GPLD1: variants seen among roughly 807,000 people sequenced by gnomAD.
GPLD1 encodes the protein glycosylphosphatidylinositol specific phospholipase D1.
A neutral mutation model predicts 112.6 loss-of-function variants in GPLD1; 84 were observed. The ratio of observed to expected loss-of-function variants is 0.75; its 90% CI spans 0.63 to 0.89. The LOEUF is 0.89. Among genes scored for constraint, GPLD1 ranks in the 40% least tolerant of loss-of-function variants. The pLI is 0.00. For synonymous variants in GPLD1, 386 were observed against 403.8 expected (o/e 0.96, Z 0.53); for missense variants, 1,044 against 1,051.5 (o/e 0.99, Z 0.10).
chr6:24,481,514 T>C (rs1197437671), intron 2 of GPLD1, among the ~76,000 whole-genome samples: 5 of 151,928 alleles, frequency 3.3e-5, no homozygotes, highest in African/African-American at 1.2e-4. Flanking sequence ...AGAATCACCC[T>C]CTCCCGAGGA....
chr6:24,464,365 C>A (rs1412890597), intron 10 of GPLD1, among the ~76,000 whole-genome samples: 1 of 152,040 alleles, frequency 6.6e-6, no homozygotes, highest in Non-Finnish European at 1.5e-5. Flanking sequence ...TGTACAACCA[C>A]GGCAGTATGC....
chr6:24,440,791 ATAGG>A (rs201680718), intron 20 of GPLD1, among the ~76,000 whole-genome samples: 1,695 of 151,916 alleles, frequency 0.011, 16 homozygotes, highest in South Asian at 0.047. Flanking sequence ...GGAAAGTGAG[ATAGG>A]TAGGTAGGTA....
chr6:24,460,538 C>T, intron 11 of GPLD1, 139 bp from the exon 12 acceptor site: 1 of 834,358 alleles, frequency 1.2e-6, no homozygotes, highest in Non-Finnish European at 1.9e-6. Context: ...AGGAGCAACA[C>T]AGAAAGTTTT....
In GPLD1 at chr6:24,431,723, C is replaced by T. The variant is rs559172556; in HGVS notation, c.2436+1464G>A. 6.6e-5 allele frequency among the ~76,000 whole-genome samples: 10 copies of T among 151,840 alleles called. No homozygotes were observed. The South Asian group carries it at 8.3e-4, about 13-fold the overall frequency. ...CTATTTTTTGTATTTTTAGTAGAGC[C>T]GGGGTTTCACCATGTTGACCAGGCT... On this transcript the variant is annotated intron_variant, in intron 24 of 24. Transcript: ENST00000230036.
chr6:24,449,704 AG>A, intron 15 of GPLD1, 84 bp downstream of exon 15: 1 of 850,106 alleles, frequency 1.2e-6, no homozygotes. Flanking sequence ...GCTTTGCTCC[AG>A]GGGCTCATCC....
At chr6:24,452,323 A>T (rs903608414) in intron 14 of GPLD1, among the ~76,000 whole-genome samples, 1 of 152,180 alleles carries the variant, frequency 6.6e-6, no homozygotes, top group African/African-American at 2.4e-5. Flanking sequence ...TTTATTTTGG[A>T]AATTTTTCAT....
At chr6:24,466,635 A>G (rs1209970737) in intron 10 of GPLD1, 45 bp downstream of exon 10, 1 of 1,540,534 alleles carries the variant, frequency 6.5e-7, no homozygotes, top group East Asian at 2.3e-5. Context: ...GGATGGGGTA[A>G]AAAGGCAGAG....
intron 10 of GPLD1, among the ~76,000 whole-genome samples, chr6:24,466,433 T>C (rs1263903026): frequency 1.3e-5 from 2 of 152,170 alleles, no homozygotes; most frequent in Non-Finnish European, 2.9e-5. Flanking sequence ...ACCCCAAATA[T>C]TGCAATAACT....
At chr6:24,432,372 C>T (rs1052051469) in intron 24 of GPLD1, among the ~76,000 whole-genome samples, 1 of 151,674 alleles carries the variant, frequency 6.6e-6, no homozygotes, top group Non-Finnish European at 1.5e-5. Context: ...CAGAGGCAGG[C>T]AGATCATTTG....
rs1313682358 is a variant in GPLD1 at position 24,426,150 on chromosome 6, TGTC to T, written c.*2879_*2881del. 2 of 152,248 alleles carry T rather than the reference TGTC, an allele frequency of 1.3e-5. No individual in the cohort carries two copies. Among genetic ancestry groups the T allele is most frequent in the East Asian group, 3.8e-4 (2 of 5,202 alleles). 9.4% of individuals were successfully genotyped at this position (152,248 alleles called of 1,614,324 possible). On this transcript the variant is annotated 3_prime_UTR_variant, in exon 25 of 25. Transcript: ENST00000230036. ...AAGACAGAAAATGCAAATATGTAAA[TGTC>T]TTCTGATATCTTGAAATAAAGATAA...
intron 20 of GPLD1, 66 bp downstream of exon 20, chr6:24,445,480 C>G (rs1442424062): frequency 9.8e-7 from 1 of 1,018,340 alleles, no homozygotes; most frequent in African/African-American, 1.6e-5. Flanking sequence ...TCACTTTCCT[C>G]CAATACGACA....
chr6:24,454,142 G>C lies in GPLD1; in HGVS notation c.1208C>G (p.Pro403Arg). ...GATGTGGCCGGGGCGGCTGTAGCCT[G>C]GTGCGCCCACCACGAGGTCACCGTG... ...DGHGDLVVGA[P>R]GYSRPGHIHI... The change falls in exon 14 of 25, where the codon CCA becomes CGA. Residue 403 changes from proline (P) to arginine (R), a missense_variant. By Grantham distance (103) the Pro-to-Arg change is moderately radical. Transcript: ENST00000230036. The C allele has an allele frequency of 6.2e-7, 1 of 1,613,984 alleles. No homozygotes were observed. The highest frequency in any genetic ancestry group is 8.5e-7 in the Non-Finnish European group (1 of 1,179,932).
At chr6:24,449,716 C>A (rs1446516919) in intron 15 of GPLD1, 73 bp downstream of exon 15, 2 of 961,388 alleles carry the variant, frequency 2.1e-6, no homozygotes, top group South Asian at 1.5e-5. Flanking sequence ...GGGCTCATCC[C>A]AGCGTTGGCC....
chr6:24,433,058 G>C, intron 24 of GPLD1, 129 bp downstream of exon 24: 1 of 766,442 alleles, frequency 1.3e-6, no homozygotes, highest in South Asian at 1.4e-5. Context: ...ATATGTGAAT[G>C]TTACTTTCTG....
At chr6:24,491,398 C>T (rs1041035772), upstream of GPLD1, among the ~76,000 whole-genome samples, 1 of 152,052 alleles carries the variant, frequency 6.6e-6, no homozygotes, top group African/African-American at 2.4e-5. Flanking sequence ...ATCCAAAAAG[C>T]ACCAAAGAAA....
Position 24,454,208 on chromosome 6 carries a change from G to A in GPLD1, c.1149-7C>T. 3 of 1,602,818 alleles carry A rather than the reference G, an allele frequency of 1.9e-6. No individual in the cohort carries two copies. The highest frequency in any genetic ancestry group is 1.7e-6 in the Non-Finnish European group (2 of 1,173,580). On this transcript the variant is annotated splice_polypyrimidine_tract_variant and splice_region_variant and intron_variant, in intron 13 of 24. Coordinates refer to ENST00000230036, the MANE Select transcript of GPLD1 (RefSeq NM_001503.4). ...GTCAGCTGAGGTCATTGCCCTTAGG[G>A]AAGTGAAGGGACCCACCATGGTATG...
chr6:24,452,219 C>A (rs553182450), intron 14 of GPLD1, among the ~76,000 whole-genome samples: 13 of 152,186 alleles, frequency 8.5e-5, no homozygotes, highest in African/African-American at 2.9e-4. Flanking sequence ...TCTCTTTATT[C>A]CCTGTCTATA....
At position 24,439,004 on chromosome 6, in the gene GPLD1, G is replaced by T. The variant is rs576704973; in HGVS notation, c.2021-1715C>A. 7.2e-5 allele frequency among the ~76,000 whole-genome samples: 11 copies of T among 152,282 alleles called. No individual in the cohort carries two copies. In the South Asian group the frequency reaches 1.5e-3, roughly 20 times the overall value. Reference sequence around the variant, plus strand: ...TCACCGTGTTAGCCAGGATGGTCTTGATCTCCTGACCTCGTGATCTGCCTG... The same window carrying T: ...TCACCGTGTTAGCCAGGATGGTCTTTATCTCCTGACCTCGTGATCTGCCTG... On this transcript the variant is annotated intron_variant, in intron 20 of 24. Transcript: ENST00000230036.
At chr6:24,491,695 A>C (rs1581797069), upstream of GPLD1, among the ~76,000 whole-genome samples, 6 of 151,338 alleles carry the variant, frequency 4.0e-5, no homozygotes, top group Non-Finnish European at 8.9e-5. Flanking sequence ...GCAAGACCCC[A>C]CCTCAAAAAA....
Sources: allele counts gnomAD v4.1 joint callset (sites outside exome capture counted in the v4.1 genomes callset), GRCh38; gene constraint gnomAD v4.1.1; transcripts MANE v1.5; gene names NCBI Gene and HGNC (gene_info 2026-07-23, HGNC 2026-07-21).